The following ROBO1 variants were observed in gnomAD, a reference collection of about 807,000 sequenced individuals.
The protein encoded by ROBO1 is roundabout homolog 1.
A neutral mutation model predicts 195.9 loss-of-function variants in ROBO1; 149 were observed. The ratio of observed to expected loss-of-function variants is 0.76; its 90% confidence interval spans 0.67 to 0.87. ROBO1 has a LOEUF of 0.87. ROBO1 is among the 40% of genes least tolerant of loss of function. The probability of loss-of-function intolerance (pLI) is 0.00; values close to 1 mark genes in which losing one functional copy is unlikely to be tolerated. For synonymous variants in ROBO1, 816 were observed against 733.2 expected, an observed-to-expected ratio of 1.11 and a Z score of -1.82; for missense variants, 1,933 against 2,068.3, an observed-to-expected ratio of 0.93 and a Z score of 1.27.
intron 1 of ROBO1, among the ~76,000 whole-genome samples, chr3:79,657,958 T>C (rs1946218099): frequency 6.6e-6 from 1 of 152,142 alleles, no homozygotes; most frequent in Non-Finnish European, 1.5e-5. Context: ...TGTCAGGCAA[T>C]GAAGAAAAAA....
At chr3:79,140,252 T>G (rs2080497025) in intron 2 of ROBO1, among the ~76,000 whole-genome samples, 1 of 152,156 alleles carries the variant, frequency 6.6e-6, no homozygotes, top group African/African-American at 2.4e-5. Flanking sequence ...TAGAATGATA[T>G]TCAAGTAAGA....
intron 4 of ROBO1, among the ~76,000 whole-genome samples, chr3:78,924,974 A>AT (rs1045895299): frequency 7.2e-5 from 11 of 151,922 alleles, no homozygotes; most frequent in Non-Finnish European, 1.5e-5. Flanking sequence ...TAAATCTATT[A>AT]TTTTTTTAAT....
intron 1 of ROBO1, among the ~76,000 whole-genome samples, chr3:79,630,641 C>A (rs1945310785): frequency 6.6e-6 from 1 of 151,766 alleles, no homozygotes; most frequent in African/African-American, 2.4e-5. Context: ...TTTGACAGAG[C>A]AATCAAGAAA....
intron 1 of ROBO1, among the ~76,000 whole-genome samples, chr3:79,735,994 AAAG>A (rs2107387003): frequency 6.6e-6 from 1 of 152,338 alleles, no homozygotes; most frequent in South Asian, 2.1e-4. Flanking sequence ...AGAAGTTAAA[AAAG>A]AAAAATAAGA....
intron 2 of ROBO1, among the ~76,000 whole-genome samples, chr3:79,568,960 C>T (rs987754004): frequency 6.6e-6 from 1 of 151,978 alleles, no homozygotes; most frequent in Non-Finnish European, 1.5e-5. Context: ...TCAATTCTTT[C>T]GACAGTATAA....
At chr3:78,652,525 A>T (rs1020951067) in intron 18 of ROBO1, among the ~76,000 whole-genome samples, 1 of 152,132 alleles carries the variant, frequency 6.6e-6, no homozygotes, top group Admixed American at 6.5e-5. Context: ...TGTCTTAGAA[A>T]CACATTACTT....
At chr3:79,219,270 T>C (rs1165897745) in intron 2 of ROBO1, among the ~76,000 whole-genome samples, 1 of 151,978 alleles carries the variant, frequency 6.6e-6, no homozygotes, top group Non-Finnish European at 1.5e-5. Flanking sequence ...CAAAGTTACA[T>C]AAATATTACA....
intron 18 of ROBO1, among the ~76,000 whole-genome samples, chr3:78,654,347 A>C (rs1045458735): frequency 6.6e-6 from 1 of 152,142 alleles, no homozygotes; most frequent in South Asian, 2.1e-4. Flanking sequence ...AGGCTGAAAA[A>C]CCTATTTTCA....
intron 3 of ROBO1, among the ~76,000 whole-genome samples, chr3:79,020,593 A>G (rs2078079570): frequency 6.6e-6 from 1 of 152,130 alleles, no homozygotes; most frequent in East Asian, 1.9e-4. Context: ...TCGGGAGGCT[A>G]AGACAGAAGA....
intron 2 of ROBO1, among the ~76,000 whole-genome samples, chr3:79,335,527 C>A (rs1559826568): frequency 6.6e-6 from 1 of 152,304 alleles, no homozygotes; most frequent in East Asian, 1.9e-4. Flanking sequence ...TCTCACTTCT[C>A]TCTCCTACCA....
chr3:79,413,133 C>G (rs1328595802), intron 2 of ROBO1, among the ~76,000 whole-genome samples: 3 of 151,612 alleles, frequency 2.0e-5, no homozygotes, highest in Non-Finnish European at 4.4e-5. Context: ...TATTTTCAGA[C>G]ATTACTAAAC....
chr3:79,419,867 T>G (rs1026347605), intron 2 of ROBO1, among the ~76,000 whole-genome samples: 1 of 152,128 alleles, frequency 6.6e-6, no homozygotes, highest in Admixed American at 6.6e-5. Context: ...GAATCTGACC[T>G]TAACATCATT....
chr3:78,956,912 C>T (rs2107805661), intron 3 of ROBO1, among the ~76,000 whole-genome samples: 1 of 151,960 alleles, frequency 6.6e-6, no homozygotes, highest in Admixed American at 6.6e-5. Context: ...GGTATAAATA[C>T]AAGAATTAAC....
rs572013276 is a variant in ROBO1 at position 79,112,869 on chromosome 3, T to A, written c.172+12587A>T. Among the ~76,000 whole-genome samples, 241 of 152,108 alleles carry A rather than the reference T, an allele frequency of 1.6e-3. 2 individuals are homozygous for A. Among genetic ancestry groups the A allele is most frequent in the African/African-American group, 5.3e-3 (220 of 41,504 alleles). On this transcript the variant is annotated intron_variant, in intron 3 of 30. Transcript: ENST00000464233. ...CATGGCATATGTATACATATGTAAC[T>A]AACCTGCACGTTGTGCACATGTACC...
intron 3 of ROBO1, among the ~76,000 whole-genome samples, chr3:78,960,900 C>G (rs780184076): frequency 9.2e-5 from 14 of 151,714 alleles, no homozygotes; most frequent in Non-Finnish European, 1.9e-4. Flanking sequence ...GTTTTCCATT[C>G]ACAAACTTTT....
At chr3:79,551,707 T>A (rs1017689665) in intron 2 of ROBO1, among the ~76,000 whole-genome samples, 3 of 151,984 alleles carry the variant, frequency 2.0e-5, no homozygotes, top group African/African-American at 7.2e-5. Flanking sequence ...TCCTAGTGAC[T>A]GTGATATCCC....
At chr3:78,814,338 A>G (rs1447191708) in intron 4 of ROBO1, among the ~76,000 whole-genome samples, 1 of 152,118 alleles carries the variant, frequency 6.6e-6, no homozygotes, top group Non-Finnish European at 1.5e-5. Context: ...GTATCAAAAT[A>G]TTCAATATGT....
chr3:78,962,313 G>C (rs191507671), intron 3 of ROBO1, among the ~76,000 whole-genome samples: 3 of 152,234 alleles, frequency 2.0e-5, no homozygotes, highest in Admixed American at 1.3e-4. Flanking sequence ...AGATATAAAC[G>C]CAACAGTCTT....
chr3:79,058,706 TC>T (rs35488547), intron 3 of ROBO1, among the ~76,000 whole-genome samples: 147,117 of 152,106 alleles, frequency 0.97, 71,333 homozygotes, highest in East Asian at 1. Context: ...TTGTATTAAC[TC>T]CCTATTTTGA....
Sources: gnomAD v4.1 joint callset for allele counts (sites outside exome capture counted in the v4.1 genomes callset) on GRCh38, gnomAD v4.1.1 for gene constraint, MANE v1.5 for transcripts, NCBI Gene and HGNC (gene_info 2026-07-23, HGNC 2026-07-21) for gene names.